The following THADA variants were observed in gnomAD, a reference collection of about 807,000 sequenced individuals.
THADA encodes the protein tRNA (32-2'-O)-methyltransferase regulator THADA.
Under a neutral mutation model 219.8 loss-of-function variants are expected in THADA, and 213 were observed. The ratio of observed to expected loss-of-function variants is 0.97; its 90% CI spans 0.87 to 1.09. THADA has a LOEUF of 1.09. THADA is among the 50% of genes least tolerant of loss of function. THADA has a pLI of 0.00. For synonymous variants in THADA, 1,018 were observed against 828.9 expected, an observed-to-expected ratio of 1.23 and a Z score of -3.92; for missense variants, 2,956 against 2,311.3, an observed-to-expected ratio of 1.28 and a Z score of -5.72.
chr2:43,294,459 C>T (rs1161168048), intron 31 of THADA, among the ~76,000 whole-genome samples: 24 of 152,134 alleles, frequency 1.6e-4, no homozygotes, highest in Admixed American at 1.6e-3. Flanking sequence ...CAGAACGGAC[C>T]ATGTGGGGAA....
intron 26 of THADA, among the ~76,000 whole-genome samples, chr2:43,452,020 C>A (rs1317525566): frequency 1.3e-5 from 2 of 152,038 alleles, no homozygotes; most frequent in Non-Finnish European, 2.9e-5. Context: ...GGCAGGAGAA[C>A]CACTTGAACC....
At chr2:43,521,244 GC>G (rs980160616) in intron 22 of THADA, among the ~76,000 whole-genome samples, 2 of 121,376 alleles carry the variant, frequency 1.6e-5, no homozygotes, top group Non-Finnish European at 3.7e-5. Context: ...AGGCAGGCAG[GC>G]AGGCAGATGC....
intron 36 of THADA, among the ~76,000 whole-genome samples, chr2:43,262,656 T>G (rs573892508): frequency 2.6e-5 from 4 of 152,270 alleles, no homozygotes; most frequent in Admixed American, 1.3e-4. Context: ...CTTTAGTGAT[T>G]TGAGAGTGTT....
At chr2:43,474,311 C>A (rs1268147800) in intron 26 of THADA, among the ~76,000 whole-genome samples, 1 of 152,144 alleles carries the variant, frequency 6.6e-6, no homozygotes, top group Non-Finnish European at 1.5e-5. Flanking sequence ...GTTCCAGGTA[C>A]AATTACACAG....
rs1210469367 is a variant in THADA, at chr2:43,505,687, T to C, written c.3556A>G (p.Ile1186Val). ...PKKGRMDLLKITMKELISLAG... is the reference protein window; with the variant it reads ...PKKGRMDLLKVTMKELISLAG... The stretch of plus-strand genomic sequence containing the variant: ...AAAGAGATTAACTCTTTCATTGTTA[T>C]TTTCAACAAATCCATTCTGCCTTTC... Residue 1186 changes from isoleucine to valine, a missense_variant, in exon 24 of 38, where the codon ATA becomes GTA. Ile to Val is a conservative substitution (Grantham distance 29). Transcript: ENST00000405975. 1.3e-6 allele frequency: 2 copies of C among 1,594,118 alleles called. No individual in the cohort carries two copies. The highest frequency in any genetic ancestry group is 8.6e-7 in the Non-Finnish European group (1 of 1,168,964).
intron 15 of THADA, chr2:43,564,406 T>G (rs560276609): frequency 6.6e-6 from 1 of 152,298 alleles, no homozygotes. Flanking sequence ...AGGCATTCCA[T>G]GGCCTGTAGC....
chr2:43,525,868 C>T (rs569980369), intron 22 of THADA, among the ~76,000 whole-genome samples: 1 of 152,278 alleles, frequency 6.6e-6, no homozygotes, highest in African/African-American at 2.4e-5. Context: ...TTCCCAGAGC[C>T]ACCACCCAAG....
chr2:43,394,932 G>C (rs904880812), intron 29 of THADA, among the ~76,000 whole-genome samples: 2 of 152,152 alleles, frequency 1.3e-5, no homozygotes, highest in African/African-American at 4.8e-5. Context: ...ACAACCCCAG[G>C]GTTCTAGGGT....
intron 8 of THADA, among the ~76,000 whole-genome samples, chr2:43,580,117 C>T (rs111427675): frequency 0.028 from 4,224 of 149,498 alleles, 195 homozygotes; most frequent in African/African-American, 0.098. Flanking sequence ...CTCTGTCTCC[C>T]GGGTTCAACT....
chr2:43,274,195 T>C (rs1672454759), intron 36 of THADA, among the ~76,000 whole-genome samples: 1 of 152,138 alleles, frequency 6.6e-6, no homozygotes, highest in African/African-American at 2.4e-5. Context: ...TCCAAGACCC[T>C]GACTTCAGAG....
At chr2:43,291,942 C>G in intron 33 of THADA, 162 bp downstream of exon 33, 1 of 755,960 alleles carries the variant, frequency 1.3e-6, no homozygotes, top group Non-Finnish European at 2.1e-6. Context: ...ATGCAAATCA[C>G]TGACATCATT....
chr2:43,403,141 TAAA>T (rs1173747704), intron 28 of THADA, among the ~76,000 whole-genome samples: 1 of 152,222 alleles, frequency 6.6e-6, no homozygotes, highest in African/African-American at 2.4e-5. Flanking sequence ...AAAACTAGCA[TAAA>T]GCCTGCATTT....
At chr2:43,480,478 T>C (rs570585757) in intron 26 of THADA, among the ~76,000 whole-genome samples, 43 of 152,050 alleles carry the variant, frequency 2.8e-4, no homozygotes, top group Non-Finnish European at 5.9e-5. Flanking sequence ...AAAAACATAA[T>C]AAATGCTTGT....
intron 26 of THADA, among the ~76,000 whole-genome samples, chr2:43,443,316 A>C (rs1185843492): frequency 5.9e-5 from 9 of 152,206 alleles, no homozygotes; most frequent in African/African-American, 2.2e-4. Context: ...AATTACACAA[A>C]ATGCATCATC....
At position 43,551,898 on chromosome 2, in the gene THADA, T is replaced by G. The variant is rs763641575; in HGVS notation, c.2838A>C (p.Arg946Ser). 6.2e-7 allele frequency: 1 copy of G among 1,613,614 alleles called. No individual in the cohort carries two copies. The highest frequency in any genetic ancestry group is 8.5e-7 in the Non-Finnish European group (1 of 1,179,790). Residue 946 changes from arginine (R) to serine (S), a missense_variant, in exon 19 of 38, where the codon AGA becomes AGC. Arg to Ser is a moderately radical substitution (Grantham distance 110). Transcript: ENST00000405975. Reference sequence around the variant, plus strand: ...TCAAAAGGAGCTTCTCTACCACAGGTCTCCACTCGCTCACCAACTGCAGGC... The same window carrying G: ...TCAAAAGGAGCTTCTCTACCACAGGGCTCCACTCGCTCACCAACTGCAGGC... Reference protein sequence around the residue: ...LNSLQLVSEWRPVVEKLLLMS... With the variant: ...LNSLQLVSEWSPVVEKLLLMS...
chr2:43,528,126 C>CTTTTTTTTTTT (rs367822642), intron 21 of THADA, 138 bp from the exon 22 acceptor site: 1 of 158,420 alleles, frequency 6.3e-6, no homozygotes, highest in Non-Finnish European at 1.2e-5. Context: ...ATGTTTTAAG[C>CTTTTTTTTTTT]TTTTTTTTTT....
intron 22 of THADA, among the ~76,000 whole-genome samples, chr2:43,522,437 G>A (rs1236451736): frequency 1.3e-5 from 2 of 152,202 alleles, no homozygotes. Context: ...GCCATGGGGA[G>A]AAGGACAAGA....
chr2:43,401,916 T>C (rs1252734129), intron 28 of THADA, among the ~76,000 whole-genome samples: 1 of 151,548 alleles, frequency 6.6e-6, no homozygotes, highest in African/African-American at 2.4e-5. Flanking sequence ...TTTGGAAAAT[T>C]TCTAAATGAG....
chr2:43,444,134 C>A (rs759162386), intron 26 of THADA, among the ~76,000 whole-genome samples: 7 of 152,190 alleles, frequency 4.6e-5, no homozygotes, highest in African/African-American at 9.7e-5. Context: ...AAAATCACCA[C>A]GAACTTACCA....
Sources: allele counts gnomAD v4.1 joint callset (sites outside exome capture counted in the v4.1 genomes callset), GRCh38; gene constraint gnomAD v4.1.1; transcripts MANE v1.5; gene names NCBI Gene and HGNC (gene_info 2026-07-23, HGNC 2026-07-21).